Variants in ZNF512 observed in about 807,000 individuals in gnomAD.
ZNF512 encodes the protein zinc finger protein 512.
Under a neutral mutation model 77.5 loss-of-function variants are expected in ZNF512, and 25 were observed. That is an observed-to-expected ratio of 0.32 (90% CI 0.23 to 0.45). ZNF512 has a LOEUF of 0.45. Ranked by LOEUF, ZNF512 falls within the 20% of genes least tolerant of loss-of-function variation. The pLI, the probability that ZNF512 is intolerant of heterozygous loss-of-function variation, is 1.00. For missense variants in ZNF512, 483 were observed against 692.6 expected (o/e 0.70, Z 3.40); for synonymous variants, 246 against 239.9 (o/e 1.03, Z -0.24).
chr2:27,599,620 C>T lies in ZNF512; in HGVS notation c.315C>T (p.Pro105=). 1.9e-6 allele frequency: 3 copies of T among 1,614,160 alleles called. No individual in the cohort carries two copies. Among genetic ancestry groups the T allele is most frequent in the Non-Finnish European group, 2.5e-6 (3 of 1,180,018 alleles). ...TATCAGCCAAGGGGAAAAGGAAACC[C>T]AGGCAGGAAGAAGATGAAGACTATC... The part of the protein sequence containing the change: ...GGVSAKGKRK[P]RQEEDEDYRE... Residue 105 remains proline, a synonymous_variant, in exon 4 of 14, where the codon CCC becomes CCT. Transcript: ENST00000355467.
chr2:27,595,271 G>C (rs185709257), intron 2 of ZNF512, among the ~76,000 whole-genome samples: 2 of 149,334 alleles, frequency 1.3e-5, no homozygotes, highest in African/African-American at 4.9e-5. Flanking sequence ...TTTTCTCTTT[G>C]TTCTTCAGAC....
chr2:27,601,966 TAG>T (rs1283977604), intron 7 of ZNF512, among the ~76,000 whole-genome samples: 1 of 152,158 alleles, frequency 6.6e-6, no homozygotes, highest in Non-Finnish European at 1.5e-5. Context: ...GTATTTTTAG[TAG>T]AGACTGAGTT....
intron 10 of ZNF512, 97 bp from the exon 11 acceptor site, chr2:27,615,071 C>T (rs958108577): frequency 2.8e-6 from 2 of 719,092 alleles, no homozygotes; most frequent in African/African-American, 3.6e-5. Flanking sequence ...GTATAGATTT[C>T]AGAATTATAT....
intron 13 of ZNF512, 23 bp downstream of exon 13, chr2:27,617,594 GGCCTGATATGTAA>G (rs1164643966): frequency 1.2e-6 from 1 of 860,962 alleles, no homozygotes; most frequent in African/African-American, 1.6e-5. Context: ...TAATCCTGTG[GGCCTGATATGTAA>G]GCCACAAGAG....
At chr2:27,590,064 A>G (rs1277880337) in intron 2 of ZNF512, among the ~76,000 whole-genome samples, 1 of 152,240 alleles carries the variant, frequency 6.6e-6, no homozygotes, top group Admixed American at 6.5e-5. Flanking sequence ...AATGTTAACT[A>G]GAGCAAGGTG....
chr2:27,604,012 C>T (rs757921875), intron 9 of ZNF512, among the ~76,000 whole-genome samples: 20 of 152,078 alleles, frequency 1.3e-4, no homozygotes, highest in Admixed American at 7.2e-4. Context: ...CTGTGACCTC[C>T]GCCTCCTGGG....
intron 13 of ZNF512, among the ~76,000 whole-genome samples, chr2:27,617,920 A>AAAAT (rs1205841789): frequency 6.6e-6 from 1 of 151,140 alleles, no homozygotes; most frequent in Admixed American, 6.6e-5. Flanking sequence ...AAAAAAAAAA[A>AAAAT]ATCACTGTGA....
chr2:27,603,237 G>T lies in ZNF512; in HGVS notation c.866G>T (p.Cys289Phe). 6.2e-7 allele frequency: 1 copy of T among 1,614,134 alleles called. No homozygotes were observed. Among genetic ancestry groups the T allele is most frequent in the Non-Finnish European group, 8.5e-7 (1 of 1,180,016 alleles). Residue 289 changes from cysteine to phenylalanine, a missense_variant, in exon 9 of 14, where the codon TGT becomes TTT. By Grantham distance (205) the Cys-to-Phe change is radical. Coordinates refer to ENST00000355467, the MANE Select transcript of ZNF512 (RefSeq NM_032434.4). ...GAGCTGGAAAAGATGACCCTGAAAT[G>T]TCACCACTGTGGAAAACCATATAGG... ...AAELEKMTLK[C>F]HHCGKPYRSK...
intron 3 of ZNF512, among the ~76,000 whole-genome samples, chr2:27,599,039 C>T (rs192243337): frequency 6.6e-6 from 1 of 152,250 alleles, no homozygotes; most frequent in Admixed American, 6.5e-5. Context: ...CGGGGTTTCT[C>T]CATGTTGGTC....
chr2:27,586,714 A>G (rs928447452), intron 2 of ZNF512, among the ~76,000 whole-genome samples: 1 of 152,214 alleles, frequency 6.6e-6, no homozygotes, highest in East Asian at 1.9e-4. Flanking sequence ...GCCACAATCA[A>G]GATAATAAAC....
chr2:27,610,840 A>T (rs1672627130), intron 10 of ZNF512, among the ~76,000 whole-genome samples: 1 of 151,722 alleles, frequency 6.6e-6, no homozygotes, highest in Non-Finnish European at 1.5e-5. Context: ...CTGAAGTGCT[A>T]GGATTACAGG....
intron 4 of ZNF512, 54 bp from the exon 5 acceptor site, chr2:27,599,915 AT>A: frequency 6.3e-7 from 1 of 1,590,638 alleles, no homozygotes; most frequent in Non-Finnish European, 8.6e-7. Flanking sequence ...GAGGGAAGAG[AT>A]TTTGGTATTA....
chr2:27,602,464 C>A lies in ZNF512; in HGVS notation c.671C>A (p.Pro224His). ...TTGTTTACTTCTCTTGATTTCTAGCCCATTTTGAAAGCCGGAGATGAAATA... is the reference window on the plus strand; with the variant it reads ...TTGTTTACTTCTCTTGATTTCTAGCACATTTTGAAAGCCGGAGATGAAATA... ...YHVMANHNSL[P>H]ILKAGDEIDE... The change falls in exon 8 of 14, where the codon CCC (proline) becomes CAC (histidine). Residue 224 changes from proline to histidine, a missense_variant and splice_region_variant. Physicochemically the swap from Pro to His is moderately conservative, Grantham distance 77. Around this residue, in one of 2 missense-constraint regions of ZNF512, gnomAD observed 324 missense variants for 525.0 expected, o/e 0.62. Coordinates refer to ENST00000355467, the MANE Select transcript of ZNF512 (RefSeq NM_032434.4). The A allele has an allele frequency of 6.2e-7, 1 of 1,612,778 alleles. No individual in the cohort carries two copies. The highest frequency in any genetic ancestry group is 8.5e-7 in the Non-Finnish European group (1 of 1,179,582).
rs1283251282 is a variant in ZNF512, at chr2:27,615,279, T to A, written c.1233+10T>A. 2.0e-6 allele frequency: 3 copies of A among 1,526,966 alleles called. No homozygotes were observed. Among genetic ancestry groups the A allele is most frequent in the Non-Finnish European group, 2.7e-6 (3 of 1,120,940 alleles). 94.6% of individuals were successfully genotyped at this position (1,526,966 alleles called of 1,614,324 possible). A position where few individuals can be genotyped will look rare whatever the true frequency, so the allele number is the denominator to read the frequency against. On this transcript the variant is annotated intron_variant, in intron 11 of 13. Transcript: ENST00000355467. Reference sequence around the variant, plus strand: ...TCAGTGTCCTAACCAGGTGGTTCTTTCTCATTCATTTATTCAGTAAATGTT... The same window carrying A: ...TCAGTGTCCTAACCAGGTGGTTCTTACTCATTCATTTATTCAGTAAATGTT...
chr2:27,618,273 T>C (rs1228014913), intron 13 of ZNF512, among the ~76,000 whole-genome samples: 26 of 152,234 alleles, frequency 1.7e-4, no homozygotes, highest in Non-Finnish European at 1.5e-4. Flanking sequence ...GGGAACCAGA[T>C]TGAGTTTACA....
chr2:27,602,417 A>T, intron 7 of ZNF512, 46 bp from the exon 8 acceptor site: 2 of 1,578,376 alleles, frequency 1.3e-6, no homozygotes, highest in South Asian at 1.1e-5. Flanking sequence ...CCTGTGTCTT[A>T]TCTTTTCCAT....
Position 27,607,861 on chromosome 2 carries a change from A to G in ZNF512, c.953A>G (p.Glu318Gly), listed in dbSNP as rs765142532. The change falls in exon 10 of 14, where the codon GAG becomes GGG. Residue 318 changes from glutamate to glycine, a missense_variant. Around this residue, in one of 2 missense-constraint regions of ZNF512, gnomAD observed 324 missense variants for 525.0 expected, o/e 0.62. Transcript: ENST00000355467. ...TTCTTGCAGATATCCTTCTTTCCAG[A>G]GTCAGGACAGCCAGAGTGCTTAAAG... Reference protein sequence around the residue: ...SEHGPISFFPESGQPECLKEM... With the variant: ...SEHGPISFFPGSGQPECLKEM... 2 of 1,614,078 alleles carry G rather than the reference A, an allele frequency of 1.2e-6. No homozygotes were observed. The highest frequency in any genetic ancestry group is 1.7e-6 in the Non-Finnish European group (2 of 1,180,006).
intron 2 of ZNF512, 120 bp downstream of exon 2, chr2:27,583,836 G>C (rs1671220912): frequency 8.9e-7 from 1 of 1,128,724 alleles, no homozygotes; most frequent in South Asian, 1.8e-5. Context: ...CACTAACCCG[G>C]TGTGGATTTT....
chr2:27,584,012 C>T (rs954113495), intron 2 of ZNF512, among the ~76,000 whole-genome samples: 1 of 152,208 alleles, frequency 6.6e-6, no homozygotes, highest in African/African-American at 2.4e-5. Flanking sequence ...AGTATCATAG[C>T]TACTAGCCCC....
Sources: allele counts gnomAD v4.1 joint callset (sites outside exome capture counted in the v4.1 genomes callset), GRCh38; gene constraint gnomAD v4.1.1; regional missense constraint gnomAD v4.1.1; transcripts MANE v1.5; gene names NCBI Gene and HGNC (gene_info 2026-07-23, HGNC 2026-07-21).